RRP12: variants seen among roughly 807,000 people sequenced by gnomAD.
RRP12 encodes the protein ribosomal RNA processing 12 homolog.
Under a neutral mutation model 157.3 loss-of-function variants are expected in RRP12, and 78 were observed. The ratio of observed to expected loss-of-function variants is 0.50; its 90% confidence interval spans 0.41 to 0.60. The LOEUF (loss-of-function observed/expected upper bound fraction) is 0.60, where lower values mean the gene tolerates loss of function less well. Among genes scored for constraint, RRP12 ranks in the 20% least tolerant of loss-of-function variants. RRP12 has a pLI of 0.00. For synonymous variants in RRP12, 726 were observed against 670.9 expected, an observed-to-expected ratio of 1.08 and a Z score of -1.27; for missense variants, 1,521 against 1,679.9, an observed-to-expected ratio of 0.91 and a Z score of 1.65.
intron 2 of RRP12, among the ~76,000 whole-genome samples, chr10:97,397,262 G>A (rs1309695997): frequency 2.6e-5 from 4 of 152,092 alleles, no homozygotes. Flanking sequence ...CCGGGTTCAA[G>A]CGATTCTCCT....
chr10:97,373,312 A>G, intron 17 of RRP12, 112 bp from the exon 18 acceptor site: 1 of 1,212,596 alleles, frequency 8.2e-7, no homozygotes, highest in Non-Finnish European at 1.1e-6. Context: ...AGGACTTGGA[A>G]TCCATGGGTT....
intron 3 of RRP12, among the ~76,000 whole-genome samples, chr10:97,395,343 C>T (rs1205741874): frequency 3.4e-5 from 5 of 148,670 alleles, no homozygotes; most frequent in Non-Finnish European, 7.4e-5. Flanking sequence ...CCTGAGGTTG[C>T]GAGTTCGAGA....
chr10:97,380,680 C>T (rs568900310), intron 13 of RRP12, 119 bp downstream of exon 13: 22 of 720,020 alleles, frequency 3.1e-5, no homozygotes, highest in Non-Finnish European at 4.9e-5. Context: ...CTGCTATGGC[C>T]CTGTCAGGGT....
chr10:97,373,263 G>T, intron 17 of RRP12, 63 bp from the exon 18 acceptor site: 1 of 1,555,084 alleles, frequency 6.4e-7, no homozygotes, highest in Non-Finnish European at 8.8e-7. Flanking sequence ...AGTGGCTGCT[G>T]GGGCTGTGGC....
rs769169656 is a variant in RRP12 at position 97,385,937 on chromosome 10, G to A, written c.1074C>T (p.Gly358=). ...TGAGCTCTGCTGACAGGGTGCTCAG[G>A]CCAGGCCTGGCGTGGAAGAGGCTGT... is the stretch of plus-strand genomic sequence containing the variant. ...AFHSLFHARP[G]LSTLSAELNA... The change falls in exon 9 of 34, where the codon GGC becomes GGT. Residue 358 remains glycine, a synonymous_variant. Coordinates refer to ENST00000370992, the MANE Select transcript of RRP12 (RefSeq NM_015179.4). 8.1e-6 allele frequency: 13 copies of A among 1,607,206 alleles called. No individual in the cohort carries two copies. Among genetic ancestry groups the A allele is most frequent in the Non-Finnish European group, 1.0e-5 (12 of 1,176,996 alleles).
At chr10:97,374,720 C>T (rs1276105361) in intron 15 of RRP12, among the ~76,000 whole-genome samples, 2 of 141,948 alleles carry the variant, frequency 1.4e-5, no homozygotes, top group African/African-American at 2.7e-5. Flanking sequence ...TGCAGTGAGC[C>T]GAGATCGTGC....
At chr10:97,387,418 C>T (rs1233720070) in intron 8 of RRP12, among the ~76,000 whole-genome samples, 1 of 150,088 alleles carries the variant, frequency 6.7e-6, no homozygotes, top group Non-Finnish European at 1.5e-5. Flanking sequence ...ACTACAGCCT[C>T]AACCTCCTGG....
intron 15 of RRP12, among the ~76,000 whole-genome samples, chr10:97,378,912 A>C (rs1484454538): frequency 6.6e-6 from 1 of 152,240 alleles, no homozygotes; most frequent in Non-Finnish European, 1.5e-5. Flanking sequence ...GAAGTATATA[A>C]AAGTATATAT....
chr10:97,381,453 T>C lies in RRP12; in HGVS notation c.1351A>G (p.Met451Val), dbSNP rs769899767. The C allele has an allele frequency of 1.7e-5, 27 of 1,612,900 alleles. No homozygotes were observed. The East Asian group carries it at 4.2e-4, about 25-fold the overall frequency. ...GAGGTCACGGAGCCAATGTCAGCCATGTGGGGAGCCACGCATTCCTTCAGG... is the reference window on the plus strand; with the variant it reads ...GAGGTCACGGAGCCAATGTCAGCCACGTGGGGAGCCACGCATTCCTTCAGG... ...EILKECVAPH[M>V]ADIGSVTSSA... Residue 451 changes from methionine (M) to valine (V), a missense_variant, in exon 12 of 34, where the codon ATG (methionine) becomes GTG (valine). By Grantham distance (21) the Met-to-Val change is conservative. Transcript: ENST00000370992.
intron 15 of RRP12, among the ~76,000 whole-genome samples, chr10:97,374,699 G>A (rs1269444087): frequency 1.3e-5 from 2 of 151,428 alleles, no homozygotes; most frequent in African/African-American, 4.9e-5. Flanking sequence ...GTGAACCCGG[G>A]AGGTGGAGCT....
chr10:97,369,274 G>A (rs1261988726), intron 25 of RRP12, 151 bp downstream of exon 25: 2 of 768,886 alleles, frequency 2.6e-6, no homozygotes, highest in Non-Finnish European at 4.1e-6. Flanking sequence ...CCACCTGACA[G>A]GCATTCCCCT....
At chr10:97,364,133 G>A (rs566344138) in intron 29 of RRP12, among the ~76,000 whole-genome samples, 27 of 152,204 alleles carry the variant, frequency 1.8e-4, no homozygotes, top group Admixed American at 1.5e-3. Context: ...TCAAAGAAGC[G>A]GTGATCCTAC....
intron 32 of RRP12, 96 bp downstream of exon 32, chr10:97,358,847 G>A (rs1047434045): frequency 6.8e-6 from 7 of 1,023,336 alleles, no homozygotes; most frequent in Non-Finnish European, 1.1e-5. Context: ...TTCCAGGAAG[G>A]TGCCTCTCAG....
At chr10:97,357,724 C>A (rs903121796) in intron 33 of RRP12, among the ~76,000 whole-genome samples, 1 of 149,156 alleles carries the variant, frequency 6.7e-6, no homozygotes, top group Admixed American at 6.7e-5. Flanking sequence ...TTTGGGAGGC[C>A]GAGGTGGGCA....
At chr10:97,357,238 T>A (rs969330178) in intron 33 of RRP12, 42 bp from the exon 34 acceptor site, 7 of 1,318,204 alleles carry the variant, frequency 5.3e-6, no homozygotes, top group Non-Finnish European at 6.5e-6. Context: ...TGGCTGAGAA[T>A]AGGAGGCCCC....
intron 10 of RRP12, among the ~76,000 whole-genome samples, chr10:97,382,484 G>A (rs1395155136): frequency 6.6e-6 from 1 of 152,154 alleles, no homozygotes; most frequent in Non-Finnish European, 1.5e-5. Context: ...ACCAATCACT[G>A]ATATAACATA....
chr10:97,384,678 C>G (rs1045533645), intron 10 of RRP12, among the ~76,000 whole-genome samples: 1 of 148,696 alleles, frequency 6.7e-6, no homozygotes, highest in Non-Finnish European at 1.5e-5. Context: ...ATAACCTCAG[C>G]AGCCAGGATG....
intron 15 of RRP12, among the ~76,000 whole-genome samples, chr10:97,374,807 C>CTA (rs34116273): frequency 6.7e-6 from 1 of 148,176 alleles, no homozygotes; most frequent in Non-Finnish European, 1.5e-5. Flanking sequence ...GAGGAATATA[C>CTA]TATATATATA....
chr10:97,360,981 A>G (rs1219948847), intron 30 of RRP12, among the ~76,000 whole-genome samples: 1 of 152,168 alleles, frequency 6.6e-6, no homozygotes, highest in Non-Finnish European at 1.5e-5. Flanking sequence ...GCCTCTTCAG[A>G]GAGAATAGCT....
Sources: allele counts gnomAD v4.1 joint callset (sites outside exome capture counted in the v4.1 genomes callset), GRCh38; gene constraint gnomAD v4.1.1; transcripts MANE v1.5; gene names NCBI Gene and HGNC (gene_info 2026-07-23, HGNC 2026-07-21).